Variants in MUC17 observed in about 807,000 individuals in gnomAD.
MUC17 encodes the protein mucin-17.
In MUC17, 190 loss-of-function variants were observed where a neutral mutation model predicts 170.3. The ratio of observed to expected loss-of-function variants is 1.12; its 90% confidence interval spans 0.99 to 1.26. MUC17 has a LOEUF of 1.26. MUC17 is among the 50% of genes most tolerant of loss of function. The pLI is 0.00. For missense variants in MUC17, 6,415 were observed against 5,530.0 expected, an observed-to-expected ratio of 1.16 and a Z score of -5.08; for synonymous variants, 2,325 against 2,002.5, an observed-to-expected ratio of 1.16 and a Z score of -4.30.
rs374369228 is a variant in MUC17 at position 101,032,559 on chromosome 7, C to T, written c.1143C>T (p.Thr381=). The T allele has an allele frequency of 3.1e-6, 5 of 1,614,012 alleles. No homozygotes were observed. The African/African-American group carries it at 5.3e-5, about 17-fold the overall frequency. ...PSSLPTTAEA[T]SMLTSTLSEG... ...CACTTCCTACAACTGCTGAAGCTAC[C>T]AGCATGCTAACCTCAACTCTTAGTG... is the stretch of plus-strand genomic sequence containing the variant. The change falls in exon 3 of 13, where the codon ACC becomes ACT. Residue 381 remains threonine (T), a synonymous_variant. Transcript: ENST00000306151.
Position 101,040,250 on chromosome 7 carries a change from C to T in MUC17, c.8834C>T (p.Ala2945Val), listed in dbSNP as rs754297978. 4.3e-6 allele frequency: 7 copies of T among 1,610,902 alleles called. No individual in the cohort carries two copies. The East Asian group carries it at 1.3e-4, about 31-fold the overall frequency. Residue 2945 changes from alanine to valine, a missense_variant, in exon 3 of 13, where the codon GCT becomes GTT. By Grantham distance (64) the Ala-to-Val change is moderately conservative. Transcript: ENST00000306151. ...VSTVPVAGSE[A>V]STLSTTPVDT... is the part of the protein sequence containing the mutation. ...ACCGTGCCAGTGGCCGGTTCTGAGG[C>T]TAGCACCCTTTCAACAACTCCTGTT...
chr7:101,040,570 C>T lies in MUC17; in HGVS notation c.9154C>T (p.Pro3052Ser), dbSNP rs367983414. Residue 3052 changes from proline to serine, a missense_variant, in exon 3 of 13, where the codon CCT (proline) becomes TCT (serine). Transcript: ENST00000306151. ...SEGSTPLTSI[P>S]VSTTPVAIPE... Reference sequence around the variant, plus strand: ...AGGAAGTACTCCATTAACAAGTATACCTGTCAGCACCACGCCAGTGGCCAT... The same window carrying T: ...AGGAAGTACTCCATTAACAAGTATATCTGTCAGCACCACGCCAGTGGCCAT... 4.8e-5 allele frequency: 77 copies of T among 1,611,894 alleles called. 3 individuals are homozygous for T. In the East Asian group the frequency reaches 9.6e-4, roughly 20 times the overall value.
Position 101,036,015 on chromosome 7 carries a change from C to T in MUC17, c.4599C>T (p.Ser1533=), listed in dbSNP as rs73168392. 0.06 allele frequency: 84,995 copies of T among 1,418,212 alleles called. No individual in the cohort carries two copies. Among genetic ancestry groups the T allele is most frequent in the African/African-American group, 0.15 (8,186 of 55,170 alleles). The allele number at this position is 1,418,212 out of a possible 1,614,324, so 87.9% of individuals were successfully genotyped here. Residue 1533 remains serine, a synonymous_variant, in exon 3 of 13, where the codon AGC becomes AGT. Coordinates refer to ENST00000306151, the MANE Select transcript of MUC17 (RefSeq NM_001040105.2). ...TTTVASSEIN[S]LSTTPAVTST... Reference sequence around the variant, plus strand: ...CAGTGGCCAGTTCTGAAATCAACAGCCTTTCAACAACTCCTGCTGTCACCA... The same window carrying T: ...CAGTGGCCAGTTCTGAAATCAACAGTCTTTCAACAACTCCTGCTGTCACCA...
In MUC17 at chr7:101,036,366, C is replaced by T. The variant is rs1285624801; in HGVS notation, c.4950C>T (p.Thr1650=). The T allele has an allele frequency of 6.2e-7, 1 of 1,612,440 alleles. No individual in the cohort carries two copies. Among genetic ancestry groups the T allele is most frequent in the Non-Finnish European group, 8.5e-7 (1 of 1,179,506 alleles). The stretch of plus-strand genomic sequence containing the variant: ...CGGTGGCCAGTCCTGAGGCTAGCAC[C>T]CTTTCAACAACTCCTGTTGACTCCA... ...TTPVASPEAS[T]LSTTPVDSNS... The change falls in exon 3 of 13, where the codon ACC becomes ACT. Residue 1650 remains threonine, a synonymous_variant. Coordinates refer to ENST00000306151, the MANE Select transcript of MUC17 (RefSeq NM_001040105.2).
intron 12 of MUC17, among the ~76,000 whole-genome samples, chr7:101,056,835 C>A (rs1162962184): frequency 6.7e-6 from 1 of 149,886 alleles, no homozygotes; most frequent in Non-Finnish European, 1.5e-5. Context: ...CCAAGGACAT[C>A]TTTTATTACT....
At chr7:101,053,771 T>C (rs1325708790) in intron 11 of MUC17, among the ~76,000 whole-genome samples, 1 of 150,288 alleles carries the variant, frequency 6.7e-6, no homozygotes, top group Admixed American at 6.7e-5. Context: ...TCCCAGCTAC[T>C]CGGGAGGCTG....
At position 101,038,282 on chromosome 7, in the gene MUC17, C is replaced by G. The variant is rs766705643; in HGVS notation, c.6866C>G (p.Thr2289Arg). The G allele has an allele frequency of 1.9e-6, 3 of 1,613,508 alleles. No homozygotes were observed. The highest frequency in any genetic ancestry group is 2.2e-5 in the East Asian group (1 of 44,864). Residue 2289 changes from threonine to arginine, a missense_variant, in exon 3 of 13, where the codon ACG (threonine) becomes AGG (arginine). Thr to Arg is a moderately conservative substitution (Grantham distance 71, BLOSUM62 -1). Transcript: ENST00000306151. ...TTAACAAGTATACCTGTCAGCCACA[C>G]GCTGGTGGCCAATTCTGAGGTTAGC... ...TPLTSIPVSH[T>R]LVANSEVSTL... is the part of the protein sequence containing the mutation.
intron 11 of MUC17, 96 bp downstream of exon 11, chr7:101,053,532 C>A: frequency 1.1e-6 from 1 of 931,028 alleles, no homozygotes; most frequent in Non-Finnish European, 1.7e-6. Flanking sequence ...CTTTGAAAGG[C>A]CAAGGCAGGA....
chr7:101,035,511 C>A lies in MUC17; in HGVS notation c.4095C>A (p.Ser1365Arg). 6.3e-7 allele frequency: 1 copy of A among 1,596,482 alleles called. No homozygotes were observed. The highest frequency in any genetic ancestry group is 1.1e-5 in the South Asian group (1 of 89,782). ...SILSTTPVDNSTPVTTSTEAC... is the reference protein window; with the variant it reads ...SILSTTPVDNRTPVTTSTEAC... ...TTTCAACAACTCCTGTTGACAACAGCACACCTGTGACCACTTCTACTGAAG... is the reference window on the plus strand; with the variant it reads ...TTTCAACAACTCCTGTTGACAACAGAACACCTGTGACCACTTCTACTGAAG... Residue 1365 changes from serine (S) to arginine (R), a missense_variant, in exon 3 of 13, where the codon AGC becomes AGA. Transcript: ENST00000306151.
Position 101,034,302 on chromosome 7 carries a change from T to G in MUC17, c.2886T>G (p.Thr962=). The G allele has an allele frequency of 6.2e-7, 1 of 1,610,044 alleles. No homozygotes were observed. The highest frequency in any genetic ancestry group is 2.3e-5 in the East Asian group (1 of 44,226). ...STPVTTSTEA[T]SSPTTAEGTS... is the part of the protein sequence containing the mutation. ...CTGTGACCACTTCTACTGAAGCCAC[T>G]TCATCTCCTACAACTGCTGAAGGTA... is the stretch of plus-strand genomic sequence containing the variant. Residue 962 remains threonine (T), a synonymous_variant, in exon 3 of 13, where the codon ACT becomes ACG. Coordinates refer to ENST00000306151, the MANE Select transcript of MUC17 (RefSeq NM_001040105.2).
chr7:101,042,084 A>G lies in MUC17; in HGVS notation c.10668A>G (p.Ser3556=), dbSNP rs1217386360. 4 of 1,613,826 alleles carry G rather than the reference A, an allele frequency of 2.5e-6. No homozygotes were observed. The highest frequency in any genetic ancestry group is 4.5e-5 in the East Asian group (2 of 44,866). Residue 3556 remains serine, a synonymous_variant, in exon 3 of 13, where the codon TCA becomes TCG. Coordinates refer to ENST00000306151, the MANE Select transcript of MUC17 (RefSeq NM_001040105.2). ...TTACCAGTTCTAGTCAAGCCAGTTC[A>G]TCTCCAGCAACTCTTCAGGTCACCA... ...TFVTSSSQAS[S]SPATLQVTTM...
rs34223735 is a variant in MUC17 at position 101,039,550 on chromosome 7, C to T, written c.8134C>T (p.Leu2712Phe). The change falls in exon 3 of 13, where the codon CTT becomes TTT. Residue 2712 changes from leucine (L) to phenylalanine (F), a missense_variant. By Grantham distance (22) the Leu-to-Phe change is conservative. Coordinates refer to ENST00000306151, the MANE Select transcript of MUC17 (RefSeq NM_001040105.2). ...GTTGGCCAATTCTGAGGCTAGCACC[C>T]TTTCAACAACTCCTGTTGACACCAG... ...TLLANSEAST[L>F]STTPVDTSTP... 5 of 1,491,236 alleles carry T rather than the reference C, an allele frequency of 3.4e-6. No individual in the cohort carries two copies. In the East Asian group the frequency reaches 9.2e-5, roughly 27 times the overall value. The allele number at this position is 1,491,236 out of a possible 1,614,324, so 92.4% of individuals were successfully genotyped here. A position where few individuals can be genotyped will look rare whatever the true frequency, so the allele number is the denominator to read the frequency against.
At position 101,043,778 on chromosome 7, in the gene MUC17, G is replaced by A. The variant is rs372542465; in HGVS notation, c.12362G>A (p.Ser4121Asn). 1.2e-6 allele frequency: 2 copies of A among 1,612,306 alleles called. No homozygotes were observed. The highest frequency in any genetic ancestry group is 1.7e-6 in the Non-Finnish European group (2 of 1,178,856). The change falls in exon 3 of 13, where the codon AGC (serine) becomes AAC (asparagine). Residue 4121 changes from serine (S) to asparagine (N), a missense_variant. Physicochemically the swap from Ser to Asn is conservative, Grantham distance 46 (BLOSUM62 1). Coordinates refer to ENST00000306151, the MANE Select transcript of MUC17 (RefSeq NM_001040105.2). ...GTCCCCACGAATACTACAATTAAGAGCAACCCCACCTCAACTCCTACTGTG... is the reference window on the plus strand; with the variant it reads ...GTCCCCACGAATACTACAATTAAGAACAACCCCACCTCAACTCCTACTGTG... ...TAVPTNTTIK[S>N]NPTSTPTVPR...
chr7:101,057,257 T>C (rs1795062251), intron 12 of MUC17, among the ~76,000 whole-genome samples: 1 of 152,204 alleles, frequency 6.6e-6, no homozygotes. Flanking sequence ...TGCTTTAATA[T>C]GATTTAAACT....
Position 101,034,844 on chromosome 7 carries a change from C to G in MUC17, c.3428C>G (p.Thr1143Arg), listed in dbSNP as rs772123319. Residue 1143 changes from threonine (T) to arginine (R), a missense_variant, in exon 3 of 13, where the codon ACA (threonine) becomes AGA (arginine). Thr to Arg is a moderately conservative substitution (Grantham distance 71). Transcript: ENST00000306151. ...TTSTEASSSP[T>R]TAEGTSIPTS... The stretch of plus-strand genomic sequence containing the variant: ...TCTACTGAAGCCAGTTCATCTCCTA[C>G]AACTGCTGAAGGTACCAGCATACCA... 2.4e-5 allele frequency: 39 copies of G among 1,612,856 alleles called. 1 individual carries two copies. The highest frequency in any genetic ancestry group is 3.0e-5 in the Non-Finnish European group (35 of 1,179,496).
At chr7:101,056,497 T>A (rs1232500824) in intron 12 of MUC17, among the ~76,000 whole-genome samples, 22 of 152,218 alleles carry the variant, frequency 1.4e-4, no homozygotes, top group Admixed American at 1.4e-3. Context: ...GGCTTCAGGT[T>A]CGGAGGTTTC....
chr7:101,030,528 G>T (rs1452064511), intron 1 of MUC17, among the ~76,000 whole-genome samples: 1 of 151,918 alleles, frequency 6.6e-6, no homozygotes, highest in African/African-American at 2.4e-5. Flanking sequence ...CAGTCAGTTG[G>T]CATGTTATTC....
chr7:101,034,613 C>T lies in MUC17; in HGVS notation c.3197C>T (p.Pro1066Leu). 6.2e-7 allele frequency: 1 copy of T among 1,607,510 alleles called. No individual in the cohort carries two copies. The highest frequency in any genetic ancestry group is 2.2e-5 in the East Asian group (1 of 44,640). The stretch of plus-strand genomic sequence containing the variant: ...GAAACGAGCACACTTTCAACAACTC[C>T]TGCTGACACCAGCACACCTGTGACC... Reference protein sequence around the residue: ...SSETSTLSTTPADTSTPVTTY... With the variant: ...SSETSTLSTTLADTSTPVTTY... The change falls in exon 3 of 13, where the codon CCT becomes CTT. Residue 1066 changes from proline (P) to leucine (L), a missense_variant. Coordinates refer to ENST00000306151, the MANE Select transcript of MUC17 (RefSeq NM_001040105.2).
chr7:101,053,485 G>T (rs758069054), intron 11 of MUC17, 49 bp downstream of exon 11: 1 of 1,465,650 alleles, frequency 6.8e-7, no homozygotes, highest in South Asian at 1.2e-5. Flanking sequence ...TGTGGAAACA[G>T]GCTGGGTGCG....
Sources: allele counts gnomAD v4.1 joint callset (sites outside exome capture counted in the v4.1 genomes callset), GRCh38; gene constraint gnomAD v4.1.1; transcripts MANE v1.5; gene names NCBI Gene and HGNC (gene_info 2026-07-23, HGNC 2026-07-21).